SLC39A11: variants seen among roughly 807,000 people sequenced by gnomAD.
The protein encoded by SLC39A11 is zinc transporter ZIP11.
A neutral mutation model predicts 36.1 loss-of-function variants in SLC39A11; 33 were observed. That is an observed-to-expected ratio of 0.91 (90% CI 0.69 to 1.22). The LOEUF is 1.22. Among genes scored for constraint, SLC39A11 ranks in the 50% most tolerant of loss-of-function variants. The probability of loss-of-function intolerance (pLI) is 0.00; values close to 1 mark genes in which losing one functional copy is unlikely to be tolerated. For missense variants in SLC39A11, 432 were observed against 430.3 expected (o/e 1.00, Z -0.03); for synonymous variants, 166 against 170.3 (o/e 0.97, Z 0.20).
intron 6 of SLC39A11, among the ~76,000 whole-genome samples, chr17:72,844,673 C>CA (rs1179558345): frequency 6.6e-6 from 1 of 151,690 alleles, no homozygotes; most frequent in African/African-American, 2.4e-5. Context: ...GTCTCAAAAA[C>CA]AAAAAACAAA....
Position 73,015,206 on chromosome 17 carries a change from G to T in SLC39A11, c.306+16350C>A, listed in dbSNP as rs752533799. 3.3e-5 allele frequency among the ~76,000 whole-genome samples: 5 copies of T among 152,068 alleles called. No homozygotes were observed. The South Asian group carries it at 1.0e-3, about 32-fold the overall frequency. ...TAAGCACTCATCTGATCTTCTGCAC[G>T]GTTCCTTCTTCTAAATGTCTCTCAA... On this transcript the variant is annotated intron_variant, in intron 4 of 9. Transcript: ENST00000255559.
intron 6 of SLC39A11, among the ~76,000 whole-genome samples, chr17:72,832,223 G>A (rs2078315260): frequency 6.6e-6 from 1 of 152,214 alleles, no homozygotes; most frequent in Admixed American, 6.5e-5. Context: ...CCATACACTT[G>A]TCTATTCTCC....
At chr17:72,723,943 G>C (rs1305576377) in intron 7 of SLC39A11, among the ~76,000 whole-genome samples, 3 of 152,168 alleles carry the variant, frequency 2.0e-5, no homozygotes, top group Non-Finnish European at 1.5e-5. Context: ...GTATTTGTCA[G>C]CACAGAACTG....
At chr17:72,930,330 G>A (rs2084308467) in intron 5 of SLC39A11, among the ~76,000 whole-genome samples, 1 of 152,098 alleles carries the variant, frequency 6.6e-6, no homozygotes, top group Non-Finnish European at 1.5e-5. Flanking sequence ...AGCTACAGGG[G>A]CTGCTTAATC....
intron 7 of SLC39A11, among the ~76,000 whole-genome samples, chr17:72,726,345 T>C (rs2073931972): frequency 6.6e-6 from 1 of 152,182 alleles, no homozygotes; most frequent in South Asian, 2.1e-4. Context: ...TCTCTACAGG[T>C]AACCTGCAAG....
intron 5 of SLC39A11, among the ~76,000 whole-genome samples, chr17:72,861,039 A>C (rs960389751): frequency 8.5e-5 from 13 of 152,210 alleles, no homozygotes; most frequent in African/African-American, 3.1e-4. Flanking sequence ...ACGAACTAGT[A>C]TTGCACTTAT....
intron 6 of SLC39A11, among the ~76,000 whole-genome samples, chr17:72,814,549 T>C (rs907303021): frequency 2.0e-5 from 3 of 152,194 alleles, no homozygotes; most frequent in African/African-American, 7.2e-5. Flanking sequence ...AGAAGGTGCC[T>C]GAGAGAACTC....
chr17:72,693,621 G>A (rs1168475982), intron 7 of SLC39A11, among the ~76,000 whole-genome samples: 1 of 152,152 alleles, frequency 6.6e-6, no homozygotes, highest in Non-Finnish European at 1.5e-5. Flanking sequence ...GAATCCAACA[G>A]CACCTGAGAC....
rs577512753 is a variant in SLC39A11, at chr17:72,873,353, T to C, written c.431-23549A>G. On this transcript the variant is annotated intron_variant, in intron 5 of 9. Coordinates refer to ENST00000255559, the MANE Select transcript of SLC39A11 (RefSeq NM_139177.4). Reference sequence around the variant, plus strand: ...GTGATTTCATCCCTGAGCCAACTAATCACCTTATCCATTTCCTAGCCCTCT... The same window carrying C: ...GTGATTTCATCCCTGAGCCAACTAACCACCTTATCCATTTCCTAGCCCTCT... 1.2e-4 allele frequency among the ~76,000 whole-genome samples: 19 copies of C among 152,258 alleles called. No homozygotes were observed. In the East Asian group the frequency reaches 3.7e-3, roughly 29 times the overall value.
chr17:72,703,742 G>T (rs979196079), intron 7 of SLC39A11, among the ~76,000 whole-genome samples: 31 of 152,344 alleles, frequency 2.0e-4, no homozygotes, highest in African/African-American at 7.5e-4. Context: ...GAGATGTTTA[G>T]CTATCTTCTA....
intron 5 of SLC39A11, among the ~76,000 whole-genome samples, chr17:72,925,271 T>C (rs1203172793): frequency 2.0e-5 from 3 of 152,212 alleles, no homozygotes; most frequent in African/African-American, 2.4e-5. Flanking sequence ...GACCTGCTGA[T>C]AGAATCTCAT....
chr17:72,757,996 C>A (rs2075426853), intron 6 of SLC39A11, among the ~76,000 whole-genome samples: 1 of 152,138 alleles, frequency 6.6e-6, no homozygotes, highest in Non-Finnish European at 1.5e-5. Context: ...AGTGATTCTC[C>A]TGCCTCAGCC....
chr17:72,943,654 A>T (rs990110456), intron 5 of SLC39A11, among the ~76,000 whole-genome samples: 2 of 152,290 alleles, frequency 1.3e-5, no homozygotes, highest in Middle Eastern at 3.4e-3. Context: ...CCTAAAGTAA[A>T]TCCACCTCTT....
chr17:72,856,256 T>C (rs1207020772), intron 5 of SLC39A11, among the ~76,000 whole-genome samples: 3 of 152,222 alleles, frequency 2.0e-5, no homozygotes, highest in Non-Finnish European at 4.4e-5. Flanking sequence ...TAAGTATATT[T>C]ATTTATGGGG....
intron 7 of SLC39A11, among the ~76,000 whole-genome samples, chr17:72,729,645 T>A (rs974796045): frequency 9.4e-5 from 14 of 149,556 alleles, no homozygotes; most frequent in Admixed American, 2.0e-4. Flanking sequence ...GAAAATTCTA[T>A]CTCAGTCATA....
chr17:73,039,474 T>A (rs1552846), intron 3 of SLC39A11, among the ~76,000 whole-genome samples: 99,413 of 152,056 alleles, frequency 0.65, 34,547 homozygotes, highest in East Asian at 0.82. Context: ...TGTTGCCTAA[T>A]CGCATTCTCT....
chr17:72,934,764 G>A (rs2084642076), intron 5 of SLC39A11, among the ~76,000 whole-genome samples: 1 of 152,176 alleles, frequency 6.6e-6, no homozygotes, highest in African/African-American at 2.4e-5. Flanking sequence ...GATGGCAAAT[G>A]AGCACATGAA....
intron 3 of SLC39A11, among the ~76,000 whole-genome samples, chr17:73,033,262 G>A (rs1057272755): frequency 1.3e-5 from 2 of 152,186 alleles, no homozygotes; most frequent in African/African-American, 4.8e-5. Flanking sequence ...ATCAGCACTG[G>A]TCCATGGCCC....
intron 4 of SLC39A11, among the ~76,000 whole-genome samples, chr17:72,951,941 T>C (rs1215523307): frequency 1.3e-5 from 2 of 152,168 alleles, no homozygotes; most frequent in Non-Finnish European, 2.9e-5. Flanking sequence ...TGCATTGCTT[T>C]ATTTCGGCGT....
Sources: allele counts gnomAD v4.1 joint callset (sites outside exome capture counted in the v4.1 genomes callset), GRCh38; gene constraint gnomAD v4.1.1; transcripts MANE v1.5; gene names NCBI Gene and HGNC (gene_info 2026-07-23, HGNC 2026-07-21).